AP2A1: variants seen among roughly 807,000 people sequenced by gnomAD.
AP2A1 encodes the protein adaptor related protein complex 2 subunit alpha 1, also known as AP-2 complex subunit alpha-1.
Under a neutral mutation model 107.3 loss-of-function variants are expected in AP2A1, and 21 were observed. That is an observed-to-expected ratio of 0.20 (90% CI 0.14 to 0.28). AP2A1 has a LOEUF of 0.28. Among genes scored for constraint, AP2A1 ranks in the 10% least tolerant of loss-of-function variants. The pLI is 1.00. For missense variants in AP2A1, 873 were observed against 1,307.7 expected, an observed-to-expected ratio of 0.67 and a Z score of 5.13; for synonymous variants, 602 against 564.8, an observed-to-expected ratio of 1.07 and a Z score of -0.93.
rs1167029233 is a variant in AP2A1 at position 49,782,830 on chromosome 19, G to A, written c.473+106G>A. 7 of 1,308,900 alleles carry A rather than the reference G, an allele frequency of 5.3e-6. No homozygotes were observed. The African/African-American group carries it at 5.9e-5, about 11-fold the overall frequency. 81.1% of individuals were successfully genotyped at this position (1,308,900 alleles called of 1,614,324 possible). A position where few individuals can be genotyped will look rare whatever the true frequency, so the allele number is the denominator to read the frequency against. Reference sequence around the variant, plus strand: ...GTTGCCTGCCCAAGGTCTCCCAGCCGAGATGTGGGCTAACGCTGGGCTGGG... The same window carrying A: ...GTTGCCTGCCCAAGGTCTCCCAGCCAAGATGTGGGCTAACGCTGGGCTGGG... On this transcript the variant is annotated intron_variant, in intron 4 of 22. Transcript: ENST00000354293.
At chr19:49,770,530 CG>C (rs1568572364) in intron 1 of AP2A1, among the ~76,000 whole-genome samples, 1 of 152,126 alleles carries the variant, frequency 6.6e-6, no homozygotes, top group Non-Finnish European at 1.5e-5. Context: ...TACCTGGACA[CG>C]GATGTTCACT....
chr19:49,778,349 G>A (rs190386510), intron 1 of AP2A1, among the ~76,000 whole-genome samples: 310 of 152,292 alleles, frequency 2.0e-3, no homozygotes, highest in African/African-American at 6.9e-3. Context: ...TTGGGAGGCT[G>A]AGGCAGGCAG....
intron 6 of AP2A1, 28 bp from the exon 7 acceptor site, chr19:49,795,602 C>CCCCAAA (rs2073202610): frequency 3.2e-5 from 39 of 1,236,672 alleles, no homozygotes; most frequent in Non-Finnish European, 4.2e-5. Context: ...CCCCAGCCCC[C>CCCCAAA]AACTTATTTC....
intron 4 of AP2A1, among the ~76,000 whole-genome samples, chr19:49,787,688 G>A (rs1273544862): frequency 6.6e-6 from 1 of 151,808 alleles, no homozygotes; most frequent in Non-Finnish European, 1.5e-5. Flanking sequence ...GTGGTTTCTA[G>A]TATATTGATG....
At chr19:49,771,920 C>T (rs1022438100) in intron 1 of AP2A1, among the ~76,000 whole-genome samples, 6 of 152,036 alleles carry the variant, frequency 3.9e-5, no homozygotes, top group Non-Finnish European at 8.8e-5. Flanking sequence ...AAGGCAGAGG[C>T]GGGGCAAGTG....
Position 49,771,436 on chromosome 19 carries a change from A to G in AP2A1, c.67+4236A>G, listed in dbSNP as rs182006351. Among the ~76,000 whole-genome samples the G allele has an allele frequency of 3.7e-4, 43 of 117,216 alleles. 1 individual carries two copies. Among genetic ancestry groups the G allele is most frequent in the Non-Finnish European group, 2.4e-4 (12 of 50,944 alleles). 76.9% of individuals were successfully genotyped at this position (117,216 alleles called of 152,430 possible). The stretch of plus-strand genomic sequence containing the variant: ...GTCAATTTTATGGTATGTGAATTGT[A>G]TCTCTTTTTTTTTGTGACAGTCACA... On this transcript the variant is annotated intron_variant, in intron 1 of 22. Transcript: ENST00000354293.
chr19:49,804,740 A>ATTCTT (rs1392386545), intron 18 of AP2A1: 1 of 152,020 alleles, frequency 6.6e-6, no homozygotes, highest in Non-Finnish European at 1.5e-5. Flanking sequence ...CTTGTGATGG[A>ATTCTT]TTCTTTTCTT....
At chr19:49,783,031 C>T (rs2084696339) in intron 4 of AP2A1, among the ~76,000 whole-genome samples, 1 of 152,240 alleles carries the variant, frequency 6.6e-6, no homozygotes, top group Non-Finnish European at 1.5e-5. Flanking sequence ...CCAGAACTTC[C>T]TCATCTTCTC....
intron 4 of AP2A1, 91 bp from the exon 5 acceptor site, chr19:49,791,844 A>G (rs765895792): frequency 6.7e-7 from 1 of 1,483,532 alleles, no homozygotes; most frequent in South Asian, 1.2e-5. Context: ...GGCCTCGCAC[A>G]CCCTTCCTGG....
In AP2A1 at chr19:49,806,102, GCCCCCCCT is replaced by G. The variant is rs1385817463; in HGVS notation, c.2656-14_2656-7del. On this transcript the variant is annotated splice_polypyrimidine_tract_variant and intron_variant, in intron 21 of 22. Transcript: ENST00000354293. Reference sequence around the variant, plus strand: ...AACAGCTCTGGCACACTCTGACGGCGCCCCCCCTCCTCCCAGCTTCTGGGGTTTGGCTC... The same window carrying G: ...AACAGCTCTGGCACACTCTGACGGCGCCTCCCAGCTTCTGGGGTTTGGCTC... 1 of 1,568,056 alleles carries G rather than the reference GCCCCCCCT, an allele frequency of 6.4e-7. No homozygotes were observed. The highest frequency in any genetic ancestry group is 8.7e-7 in the Non-Finnish European group (1 of 1,155,862).
Position 49,799,784 on chromosome 19 carries a change from C to G in AP2A1, c.1272+18C>G. ...AGGAGATCGTGAGTGCTGTGGGGTG[C>G]GGGCTGGACTCTTGGGTCTGAGGCA... On this transcript the variant is annotated intron_variant, in intron 10 of 22. Coordinates refer to ENST00000354293, the MANE Select transcript of AP2A1 (RefSeq NM_130787.3). The G allele has an allele frequency of 6.2e-7, 1 of 1,609,602 alleles. No homozygotes were observed. The highest frequency in any genetic ancestry group is 8.5e-7 in the Non-Finnish European group (1 of 1,178,280).
intron 4 of AP2A1, among the ~76,000 whole-genome samples, chr19:49,783,942 T>C (rs1157045684): frequency 6.6e-6 from 1 of 152,144 alleles, no homozygotes; most frequent in African/African-American, 2.4e-5. Context: ...AAGTCAACCT[T>C]TAGTTTAAAG....
At chr19:49,783,724 C>T (rs1474652293) in intron 4 of AP2A1, among the ~76,000 whole-genome samples, 4 of 152,174 alleles carry the variant, frequency 2.6e-5, no homozygotes, top group African/African-American at 4.8e-5. Flanking sequence ...ACCCGAGTAT[C>T]GGTTTTGGGG....
At chr19:49,806,621 G>T (rs1164758726) in intron 22 of AP2A1, 60 bp from the exon 23 acceptor site, 2 of 1,607,654 alleles carry the variant, frequency 1.2e-6, no homozygotes, top group African/African-American at 1.3e-5. Context: ...TCTCCCTTGG[G>T]TCCCGACTTC....
At chr19:49,806,418 C>T (rs1357213500) in intron 22 of AP2A1, 165 bp downstream of exon 22, 2 of 1,436,054 alleles carry the variant, frequency 1.4e-6, no homozygotes, top group African/African-American at 1.4e-5. Context: ...AGTTTAATCT[C>T]CTGTCTCCAA....
intron 7 of AP2A1, chr19:49,796,601 A>G (rs958953792): frequency 6.6e-6 from 1 of 152,136 alleles, no homozygotes; most frequent in African/African-American, 2.4e-5. Flanking sequence ...GCATGCGTGC[A>G]TGCGTTCGCC....
At chr19:49,793,565 C>G (rs2073172778) in intron 6 of AP2A1, among the ~76,000 whole-genome samples, 1 of 152,172 alleles carries the variant, frequency 6.6e-6, no homozygotes, top group African/African-American at 2.4e-5. Flanking sequence ...CCCCTGAGGC[C>G]TTGTGCATGC....
At position 49,801,366 on chromosome 19, in the gene AP2A1, G is replaced by A. The variant is rs766371214; in HGVS notation, c.1554-24G>A. 5.6e-6 allele frequency: 9 copies of A among 1,600,330 alleles called. No homozygotes were observed. The East Asian group carries it at 8.9e-5, about 16-fold the overall frequency. ...GGAGAGGGCAGTGGAACCTGGCCCC[G>A]CTGACACCCACTCCTGCACACAGCC... On this transcript the variant is annotated intron_variant, in intron 12 of 22. Coordinates refer to ENST00000354293, the MANE Select transcript of AP2A1 (RefSeq NM_130787.3).
chr19:49,781,394 T>TATTC (rs1195921555), intron 1 of AP2A1, among the ~76,000 whole-genome samples: 3 of 152,018 alleles, frequency 2.0e-5, no homozygotes, highest in Admixed American at 6.6e-5. Context: ...CCAAGCTCTT[T>TATTC]ATTCATTCAT....
Sources: gnomAD v4.1 joint callset for allele counts (sites outside exome capture counted in the v4.1 genomes callset) on GRCh38, gnomAD v4.1.1 for gene constraint, MANE v1.5 for transcripts, NCBI Gene and HGNC (gene_info 2026-07-23, HGNC 2026-07-21) for gene names.